TBCD: variants seen among roughly 807,000 people sequenced by gnomAD.
The protein encoded by TBCD is tubulin-specific chaperone D.
TBCD carries 105 observed loss-of-function variants against 169.3 expected under a neutral mutation model. The ratio of observed to expected loss-of-function variants is 0.62; its 90% CI spans 0.53 to 0.73. TBCD has a LOEUF of 0.73. Among genes scored for constraint, TBCD ranks in the 30% least tolerant of loss-of-function variants. The pLI is 0.00. For synonymous variants in TBCD, 700 were observed against 643.9 expected, an observed-to-expected ratio of 1.09 and a Z score of -1.32; for missense variants, 1,444 against 1,600.1, an observed-to-expected ratio of 0.90 and a Z score of 1.66.
chr17:82,917,482 C>G (rs1452545427), intron 23 of TBCD, among the ~76,000 whole-genome samples: 1 of 152,142 alleles, frequency 6.6e-6, no homozygotes, highest in African/African-American at 2.4e-5. Flanking sequence ...TCTGGAGCCT[C>G]TGTGGCTGTT....
chr17:82,860,945 G>T (rs919588168), intron 13 of TBCD, among the ~76,000 whole-genome samples: 4 of 152,350 alleles, frequency 2.6e-5, no homozygotes, highest in African/African-American at 9.6e-5. Context: ...ACACAGGGTG[G>T]CCAGGGACTT....
At chr17:82,844,583 T>A (rs2054841801) in intron 13 of TBCD, among the ~76,000 whole-genome samples, 1 of 152,164 alleles carries the variant, frequency 6.6e-6, no homozygotes, top group Non-Finnish European at 1.5e-5. Context: ...CTTCTTGGTC[T>A]GAGGCATTTC....
At chr17:82,887,131 CTGTGTG>C (rs771003321) in intron 15 of TBCD, among the ~76,000 whole-genome samples, 2,099 of 123,406 alleles carry the variant, frequency 0.017, 23 homozygotes, top group Non-Finnish European at 0.022. Flanking sequence ...TACCTGTACT[CTGTGTG>C]TGTGTGTGTG....
intron 32 of TBCD, chr17:82,929,717 G>T: frequency 1.5e-6 from 1 of 682,358 alleles, no homozygotes; most frequent in Non-Finnish European, 2.6e-6. Context: ...AGGTGGGACA[G>T]GGCCAGCGCC....
chr17:82,785,737 G>A (rs2049267577), intron 7 of TBCD, among the ~76,000 whole-genome samples: 1 of 145,194 alleles, frequency 6.9e-6, no homozygotes, highest in Non-Finnish European at 1.5e-5. Flanking sequence ...CCCGTCCATC[G>A]CAGCGGGAGG....
intron 9 of TBCD, among the ~76,000 whole-genome samples, chr17:82,804,029 G>A (rs1220239488): frequency 1.3e-5 from 2 of 148,472 alleles, no homozygotes; most frequent in East Asian, 4.1e-4. Context: ...CTGCCTGTGG[G>A]GCGTTAGCGG....
In TBCD at chr17:82,799,353, G is replaced by T. The variant is rs112783302; in HGVS notation, c.818-1511G>T. On this transcript the variant is annotated intron_variant, in intron 8 of 38. Transcript: ENST00000355528. The stretch of plus-strand genomic sequence containing the variant: ...AGCTACTCGGGAGGCGGAGGCAGGA[G>T]AATCCCTTGAGCCAGGGAGTTGGAG... Among the ~76,000 whole-genome samples, 130 of 138,544 alleles carry T rather than the reference G, an allele frequency of 9.4e-4. 2 individuals carry two copies. In the Middle Eastern group the frequency reaches 0.013, roughly 13 times the overall value. 90.9% of individuals were successfully genotyped at this position (138,544 alleles called of 152,430 possible).
chr17:82,827,594 C>T (rs865906224), intron 13 of TBCD, among the ~76,000 whole-genome samples: 3 of 152,174 alleles, frequency 2.0e-5, no homozygotes, highest in Admixed American at 6.5e-5. Context: ...CACACATGCA[C>T]GATGCAGAAG....
rs945248538 is a variant in TBCD at position 82,889,127 on chromosome 17, G to A, written c.1534-541G>A. ...CAGGGTGTTTGGGGAGGACATGAGA[G>A]GCCTCCTGGAAGCACTTCATCCTGT... On this transcript the variant is annotated intron_variant, in intron 15 of 38. Transcript: ENST00000355528. The surrounding 1 kb of genome is among the most constrained non-coding windows in gnomAD (Gnocchi z 5.3). 2.6e-5 allele frequency among the ~76,000 whole-genome samples: 4 copies of A among 152,214 alleles called. No individual in the cohort carries two copies. The highest frequency in any genetic ancestry group is 7.2e-5 in the African/African-American group (3 of 41,448).
intron 15 of TBCD, among the ~76,000 whole-genome samples, chr17:82,887,131 C>G (rs74000168): frequency 0.026 from 3,264 of 123,442 alleles, 68 homozygotes; most frequent in African/African-American, 0.064. Flanking sequence ...TACCTGTACT[C>G]TGTGTGTGTG....
intron 11 of TBCD, among the ~76,000 whole-genome samples, chr17:82,809,152 T>TTCAC (rs1443678122): frequency 1.3e-5 from 2 of 151,966 alleles, no homozygotes; most frequent in African/African-American, 4.8e-5. Flanking sequence ...TCTGGTTGGG[T>TTCAC]GTGATGGGCC....
rs780649456 is a variant in TBCD, at chr17:82,782,893, G to C, written c.771+1172G>C. Among the ~76,000 whole-genome samples, 1 of 151,394 alleles carries C rather than the reference G, an allele frequency of 6.6e-6. No individual in the cohort carries two copies. Among genetic ancestry groups the C allele is most frequent in the Non-Finnish European group, 1.5e-5 (1 of 67,888 alleles). On this transcript the variant is annotated intron_variant, in intron 7 of 38. Transcript: ENST00000355528. This position sits in a 1 kb window ranked among gnomAD's most constrained non-coding sequence, Gnocchi z 5.1. Reference sequence around the variant, plus strand: ...TCAGTGTTGTCTTCCTGTCCATGGCGTTGTCTTCCTGTCTGCGGTGTCGTC... The same window carrying C: ...TCAGTGTTGTCTTCCTGTCCATGGCCTTGTCTTCCTGTCTGCGGTGTCGTC...
chr17:82,858,349 T>C (rs906325518), intron 13 of TBCD, among the ~76,000 whole-genome samples: 1 of 152,240 alleles, frequency 6.6e-6, no homozygotes, highest in African/African-American at 2.4e-5. Context: ...AATCTTTTAA[T>C]GAACATCTTT....
At chr17:82,783,738 G>C (rs1023711422) in intron 7 of TBCD, among the ~76,000 whole-genome samples, 1 of 152,196 alleles carries the variant, frequency 6.6e-6, no homozygotes, top group Non-Finnish European at 1.5e-5. Flanking sequence ...ATATGCCAGC[G>C]TGTGGGTATT....
rs545382308 is a variant in TBCD at position 82,810,523 on chromosome 17, A to T, written c.1223+741A>T. Among the ~76,000 whole-genome samples the T allele has an allele frequency of 2.6e-3, 232 of 89,258 alleles. 1 individual carries two copies. Among genetic ancestry groups the T allele is most frequent in the Non-Finnish European group, 3.5e-3 (159 of 46,012 alleles). The allele number at this position is 89,258 out of a possible 152,430, so 58.6% of individuals were successfully genotyped here. ...CCTTCAGGGAGTTCTGGGTCTTGGG[A>T]CCGTGTGGCTTGTGGGTGGTAAGTT... On this transcript the variant is annotated intron_variant, in intron 12 of 38. Transcript: ENST00000355528.
chr17:82,811,610 G>C (rs1361757029), intron 12 of TBCD, among the ~76,000 whole-genome samples: 1 of 152,230 alleles, frequency 6.6e-6, no homozygotes, highest in East Asian at 1.9e-4. Context: ...CCTTTTCCTG[G>C]GTGCTCAGTG....
At chr17:82,900,842 A>C (rs564816292) in intron 18 of TBCD, 111 bp downstream of exon 18, 1 of 801,706 alleles carries the variant, frequency 1.2e-6, no homozygotes, top group South Asian at 1.6e-5. Flanking sequence ...TCGTATTTTA[A>C]AATAACTTCT....
chr17:82,933,367 G>C (rs763710218), intron 34 of TBCD, among the ~76,000 whole-genome samples: 6 of 143,186 alleles, frequency 4.2e-5, no homozygotes, highest in Non-Finnish European at 6.0e-5. Flanking sequence ...CTCTACCTCA[G>C]CCTCCCAAGT....
At chr17:82,938,390 C>G (rs1325448570) in intron 36 of TBCD, among the ~76,000 whole-genome samples, 1 of 152,176 alleles carries the variant, frequency 6.6e-6, no homozygotes, top group Non-Finnish European at 1.5e-5. Context: ...GCGGTGGGAT[C>G]TGGCTCAGGA....
Sources: gnomAD v4.1 joint callset for allele counts (sites outside exome capture counted in the v4.1 genomes callset) on GRCh38, gnomAD v4.1.1 for gene constraint, Gnocchi (gnomAD v3.1) non-coding constraint, MANE v1.5 for transcripts, NCBI Gene and HGNC (gene_info 2026-07-23, HGNC 2026-07-21) for gene names.